FKBP5: variants seen among roughly 807,000 people sequenced by gnomAD.
FKBP5 encodes the protein FKBP prolyl isomerase 5.
In FKBP5, 23 loss-of-function variants were observed where a neutral mutation model predicts 50.5. That is an observed-to-expected ratio of 0.46 (90% CI 0.33 to 0.65). The LOEUF is 0.65. Ranked by LOEUF, FKBP5 falls within the 30% of genes least tolerant of loss-of-function variation. The pLI is 0.02. For missense variants in FKBP5, 411 were observed against 553.1 expected (o/e 0.74, Z 2.58); for synonymous variants, 176 against 190.6 (o/e 0.92, Z 0.63).
intron 6 of FKBP5, among the ~76,000 whole-genome samples, chr6:35,594,327 AGTGAGACCC>A (rs1361488612): frequency 6.6e-6 from 1 of 151,944 alleles, no homozygotes; most frequent in African/African-American, 2.4e-5. Flanking sequence ...CCTAGGTGAA[AGTGAGACCC>A]TGTCTCGGGG....
chr6:35,651,373 C>A (rs1157126430), intron 1 of FKBP5, among the ~76,000 whole-genome samples: 2 of 152,102 alleles, frequency 1.3e-5, no homozygotes, highest in Non-Finnish European at 2.9e-5. Flanking sequence ...TTTATTCTTT[C>A]TCTTCAATTT....
chr6:35,604,016 T>C (rs2150967889), intron 5 of FKBP5, among the ~76,000 whole-genome samples: 1 of 150,738 alleles, frequency 6.6e-6, no homozygotes, highest in East Asian at 2.0e-4. Flanking sequence ...TCTTTATTGT[T>C]TTTGTTTTGA....
intron 1 of FKBP5, 97 bp downstream of exon 1, chr6:35,688,707 G>A (rs1210936237): frequency 6.6e-6 from 1 of 150,758 alleles, no homozygotes; most frequent in African/African-American, 2.4e-5. Context: ...GGGAGCTGAG[G>A]CAGCGAGTGC....
intron 3 of FKBP5, among the ~76,000 whole-genome samples, chr6:35,630,939 C>T (rs1406944228): frequency 6.6e-6 from 1 of 152,142 alleles, no homozygotes; most frequent in Non-Finnish European, 1.5e-5. Flanking sequence ...AGTGCTTGTC[C>T]TTTTAAGTAC....
At chr6:35,590,271 G>C (rs941425152) in intron 7 of FKBP5, among the ~76,000 whole-genome samples, 2 of 151,984 alleles carry the variant, frequency 1.3e-5, no homozygotes, top group Admixed American at 6.6e-5. Flanking sequence ...CTGTATTCCA[G>C]CCTGGGTGAC....
rs927752486 is a variant in FKBP5 at position 35,626,234 on chromosome 6, C to G, written c.251-5960G>C. On this transcript the variant is annotated intron_variant, in intron 3 of 10. Coordinates refer to ENST00000357266, the MANE Select transcript of FKBP5 (RefSeq NM_004117.4). ...ATATAGCTATTACTAAATTTAAATGCTTTTTATACGTATGTAACTATAGGC... is the reference window on the plus strand; with the variant it reads ...ATATAGCTATTACTAAATTTAAATGGTTTTTATACGTATGTAACTATAGGC... Among the ~76,000 whole-genome samples, 5 of 152,004 alleles carry G rather than the reference C, an allele frequency of 3.3e-5. No individual in the cohort carries two copies. The East Asian group carries it at 9.7e-4, about 29-fold the overall frequency.
At chr6:35,666,820 T>C (rs913930136) in intron 1 of FKBP5, among the ~76,000 whole-genome samples, 7 of 151,798 alleles carry the variant, frequency 4.6e-5, no homozygotes, top group African/African-American at 1.7e-4. Context: ...ACTCGGGAGG[T>C]TGCAGTAAGC....
At chr6:35,672,929 C>CA (rs764085096) in intron 1 of FKBP5, among the ~76,000 whole-genome samples, 6,870 of 112,364 alleles carry the variant, frequency 0.061, 192 homozygotes, top group African/African-American at 0.1. Flanking sequence ...GACTCCGTCT[C>CA]AAAAAAAAAA....
Position 35,575,769 on chromosome 6 carries a change from G to T in FKBP5, c.*66C>A. The T allele has an allele frequency of 9.7e-7, 1 of 1,028,862 alleles. No individual in the cohort carries two copies. Among genetic ancestry groups the T allele is most frequent in the Non-Finnish European group, 1.5e-6 (1 of 645,496 alleles). The allele number at this position is 1,028,862 out of a possible 1,614,324, so 63.7% of individuals were successfully genotyped here. A position where few individuals can be genotyped will look rare whatever the true frequency, so the allele number is the denominator to read the frequency against. ...TTTACATTAAACACTGTTCTGTCCTGAGTTGGGGGAAAGCCCATTGAGGAG... is the reference window on the plus strand; with the variant it reads ...TTTACATTAAACACTGTTCTGTCCTTAGTTGGGGGAAAGCCCATTGAGGAG... On this transcript the variant is annotated 3_prime_UTR_variant, in exon 11 of 11. Transcript: ENST00000357266.
intron 1 of FKBP5, among the ~76,000 whole-genome samples, chr6:35,646,507 G>A (rs115770484): frequency 2.6e-5 from 4 of 152,180 alleles, no homozygotes; most frequent in Admixed American, 2.0e-4. Flanking sequence ...GCCATTAGGA[G>A]TATAGGTTTT....
At chr6:35,686,849 AAT>A (rs1406929257) in intron 1 of FKBP5, among the ~76,000 whole-genome samples, 2 of 152,258 alleles carry the variant, frequency 1.3e-5, no homozygotes, top group South Asian at 2.1e-4. Context: ...ACTGATTAAA[AAT>A]ATGTTTTAAA....
intron 1 of FKBP5, among the ~76,000 whole-genome samples, chr6:35,727,740 C>A (rs1032038715): frequency 1.3e-5 from 2 of 152,234 alleles, no homozygotes; most frequent in African/African-American, 2.4e-5. Flanking sequence ...CTCCCGCCCC[C>A]CGGACTGAGC....
chr6:35,637,022 A>C lies in FKBP5; in HGVS notation c.242T>G (p.Leu81Arg). 2 of 1,595,076 alleles carry C rather than the reference A, an allele frequency of 1.3e-6. No individual in the cohort carries two copies. The highest frequency in any genetic ancestry group is 1.7e-6 in the Non-Finnish European group (2 of 1,175,824). The change falls in exon 3 of 11, where the codon CTT becomes CGT. Residue 81 changes from leucine to arginine, a missense_variant. This residue lies in a region of FKBP5 where 267 missense variants were observed against 405.9 expected (regional missense o/e 0.66). Transcript: ENST00000357266. ...AAAAAATACCCTCTTACCTTTGCCA[A>C]GACTAAAGACAAATGGTTCATTTCT... is the stretch of plus-strand genomic sequence containing the variant. ...HDRNEPFVFS[L>R]GKGQVIKAWD...
In FKBP5 at chr6:35,617,722, G is replaced by A. The variant is rs370324953; in HGVS notation, c.508+1374C>T. 5.3e-5 allele frequency among the ~76,000 whole-genome samples: 8 copies of A among 152,162 alleles called. 1 individual carries two copies. In the East Asian group the frequency reaches 5.8e-4, roughly 11 times the overall value. On this transcript the variant is annotated intron_variant, in intron 5 of 10. Transcript: ENST00000357266. ...ACTGCAGGAAATGCTGAACACAAAAGGATGAAGAAAGATTCTGGTCCTCAA... is the reference window on the plus strand; with the variant it reads ...ACTGCAGGAAATGCTGAACACAAAAAGATGAAGAAAGATTCTGGTCCTCAA...
chr6:35,638,079 G>A (rs1261521576), intron 2 of FKBP5, among the ~76,000 whole-genome samples: 1 of 152,122 alleles, frequency 6.6e-6, no homozygotes, highest in African/African-American at 2.4e-5. Flanking sequence ...TTTAACTACT[G>A]TAAAATCCAG....
At chr6:35,657,083 C>T (rs1449997524) in intron 1 of FKBP5, among the ~76,000 whole-genome samples, 3 of 150,914 alleles carry the variant, frequency 2.0e-5, no homozygotes, top group East Asian at 3.9e-4. Flanking sequence ...GGAGTGGTGG[C>T]GGGCGCCTGT....
Position 35,681,036 on chromosome 6 carries a change from A to G in FKBP5, c.-20+7768T>C, listed in dbSNP as rs115403670. 6.5e-3 allele frequency among the ~76,000 whole-genome samples: 993 copies of G among 152,366 alleles called. 7 individuals are homozygous for G. Among genetic ancestry groups the G allele is most frequent in the Non-Finnish European group, 0.011 (726 of 68,036 alleles). ...TGAAAAGCAGTATAAATACATATAC[A>G]TGAAGACAAAAGACAGCCAACGATT... On this transcript the variant is annotated intron_variant, in intron 1 of 10. Coordinates refer to ENST00000357266, the MANE Select transcript of FKBP5 (RefSeq NM_004117.4).
intron 5 of FKBP5, among the ~76,000 whole-genome samples, chr6:35,610,994 T>C: frequency 6.6e-6 from 1 of 152,206 alleles, no homozygotes; most frequent in Non-Finnish European, 1.5e-5. Context: ...ACAACCCTGA[T>C]GATTGCTGCA....
chr6:35,582,464 C>A (rs1015648659), intron 8 of FKBP5: 1 of 373,416 alleles, frequency 2.7e-6, no homozygotes, highest in African/African-American at 2.2e-5. Context: ...AACTCGGGTG[C>A]TTGCTGCCCT....
Sources: allele counts gnomAD v4.1 joint callset (sites outside exome capture counted in the v4.1 genomes callset), GRCh38; gene constraint gnomAD v4.1.1; regional missense constraint gnomAD v4.1.1; transcripts MANE v1.5; gene names NCBI Gene and HGNC (gene_info 2026-07-23, HGNC 2026-07-21).